Variants in OXCT1 observed in about 807,000 individuals in gnomAD.
The protein encoded by OXCT1 is 3-oxoacid CoA-transferase 1.
Under a neutral mutation model 69.6 loss-of-function variants are expected in OXCT1, and 27 were observed. That is an observed-to-expected ratio of 0.39 (90% CI 0.29 to 0.54). The LOEUF is 0.54. Among genes scored for constraint, OXCT1 ranks in the 20% least tolerant of loss-of-function variants. The pLI is 0.72. For missense variants in OXCT1, 437 were observed against 650.2 expected, an observed-to-expected ratio of 0.67 and a Z score of 3.57; for synonymous variants, 202 against 217.8, an observed-to-expected ratio of 0.93 and a Z score of 0.64.
At chr5:41,783,758 G>C (rs902852307) in intron 13 of OXCT1, among the ~76,000 whole-genome samples, 5 of 152,120 alleles carry the variant, frequency 3.3e-5, no homozygotes, top group African/African-American at 1.2e-4. Context: ...TTTGGAATCA[G>C]GTATCTAGCT....
intron 11 of OXCT1, among the ~76,000 whole-genome samples, chr5:41,797,380 C>A (rs2112241069): frequency 6.6e-6 from 1 of 152,270 alleles, no homozygotes; most frequent in Non-Finnish European, 1.5e-5. Flanking sequence ...TCTTTTGAAG[C>A]AAGGTTAATT....
At chr5:41,811,913 GT>G (rs1249634140) in intron 7 of OXCT1, among the ~76,000 whole-genome samples, 1 of 152,016 alleles carries the variant, frequency 6.6e-6, no homozygotes, top group African/African-American at 2.4e-5. Flanking sequence ...TTTAAAGTGA[GT>G]TTAAAAGGAG....
chr5:41,833,237 A>G (rs1292136846), intron 7 of OXCT1, among the ~76,000 whole-genome samples: 2 of 152,230 alleles, frequency 1.3e-5, no homozygotes, highest in South Asian at 2.1e-4. Flanking sequence ...CAAAAAATCA[A>G]TGATAAAGAA....
chr5:41,843,290 C>T (rs75075279), intron 5 of OXCT1, among the ~76,000 whole-genome samples: 1,706 of 152,218 alleles, frequency 0.011, 30 homozygotes, highest in Middle Eastern at 0.034. Context: ...ACCAACAAGC[C>T]CTATCTTCCC....
At chr5:41,804,343 C>A (rs1409649460) in intron 9 of OXCT1, among the ~76,000 whole-genome samples, 1 of 151,880 alleles carries the variant, frequency 6.6e-6, no homozygotes, top group Non-Finnish European at 1.5e-5. Flanking sequence ...TCTCTCAGTT[C>A]TTTAATATTT....
chr5:41,731,850 A>G (rs1312239049), intron 16 of OXCT1, 80 bp from the exon 17 acceptor site: 3 of 1,507,198 alleles, frequency 2.0e-6, no homozygotes, highest in African/African-American at 1.4e-5. Flanking sequence ...CCAAATTTCA[A>G]TCATGTAGGC....
intron 14 of OXCT1, among the ~76,000 whole-genome samples, chr5:41,761,566 C>G (rs768891874): frequency 3.3e-5 from 5 of 152,092 alleles, no homozygotes; most frequent in Non-Finnish European, 5.9e-5. Flanking sequence ...GTAACAGGCA[C>G]TCAAATATTT....
At chr5:41,755,125 G>T (rs1743995952) in intron 14 of OXCT1, among the ~76,000 whole-genome samples, 1 of 152,036 alleles carries the variant, frequency 6.6e-6, no homozygotes, top group South Asian at 2.1e-4. Context: ...GAAAGCCTCT[G>T]TTAGCATTAG....
At chr5:41,791,493 C>T (rs965106622) in intron 13 of OXCT1, among the ~76,000 whole-genome samples, 5 of 152,154 alleles carry the variant, frequency 3.3e-5, no homozygotes, top group African/African-American at 1.2e-4. Context: ...AAATATGGTA[C>T]GCATTGGAAA....
At chr5:41,789,289 A>G (rs951251614) in intron 13 of OXCT1, among the ~76,000 whole-genome samples, 1 of 152,204 alleles carries the variant, frequency 6.6e-6, no homozygotes, top group Admixed American at 6.5e-5. Context: ...AAAAATTTAC[A>G]AAAATAGGCA....
At chr5:41,842,486 G>A (rs1173108251) in intron 6 of OXCT1, among the ~76,000 whole-genome samples, 189 bp downstream of exon 6, 2 of 152,184 alleles carry the variant, frequency 1.3e-5, no homozygotes, top group African/African-American at 4.8e-5. Context: ...CATAGATATC[G>A]ACCAGTCTAA....
At chr5:41,810,481 A>G (rs374571777) in intron 7 of OXCT1, among the ~76,000 whole-genome samples, 17 of 152,022 alleles carry the variant, frequency 1.1e-4, no homozygotes, top group Admixed American at 9.9e-4. Flanking sequence ...GGCACTATGA[A>G]TAGTTCTCAT....
intron 13 of OXCT1, among the ~76,000 whole-genome samples, chr5:41,766,836 T>C (rs957233944): frequency 6.6e-6 from 1 of 152,140 alleles, no homozygotes; most frequent in Non-Finnish European, 1.5e-5. Flanking sequence ...ATAGAAACAA[T>C]TTTAAAAGCA....
chr5:41,789,676 A>G (rs561816802), intron 13 of OXCT1, among the ~76,000 whole-genome samples: 32 of 152,354 alleles, frequency 2.1e-4, no homozygotes, highest in African/African-American at 7.7e-4. Flanking sequence ...AAAGTTTCAT[A>G]TGACCTCATA....
At chr5:41,767,720 GTGTA>G (rs1422155618) in intron 13 of OXCT1, among the ~76,000 whole-genome samples, 2 of 78,358 alleles carry the variant, frequency 2.6e-5, no homozygotes, top group African/African-American at 1.2e-4. Flanking sequence ...ATATATGTGT[GTGTA>G]TATATATATA....
chr5:41,843,487 G>C (rs1167455141), intron 5 of OXCT1: 3 of 453,510 alleles, frequency 6.6e-6, no homozygotes, highest in Non-Finnish European at 1.3e-5. Context: ...ACTGATCTAG[G>C]GAATGCTATT....
rs1746401649 is a variant in OXCT1 at position 41,801,067 on chromosome 5, G to A, written c.1054C>T (p.Pro352Ser). 6.2e-7 allele frequency: 1 copy of A among 1,608,940 alleles called. No individual in the cohort carries two copies. ...QSENGVLGLGPYPRQHEADAD... is the reference protein window; with the variant it reads ...QSENGVLGLGSYPRQHEADAD... ...TCAGCTTCATGTTGTCGTGGATATGGACCCTGTCAAATACAACATACATTC... is the reference window on the plus strand; with the variant it reads ...TCAGCTTCATGTTGTCGTGGATATGAACCCTGTCAAATACAACATACATTC... The change falls in exon 11 of 17, where the codon CCA (proline) becomes TCA (serine). Residue 352 changes from proline (P) to serine (S), a missense_variant. Around this residue, in one of 4 missense-constraint regions of OXCT1, gnomAD observed 252 missense variants for 397.4 expected, o/e 0.63. Coordinates refer to ENST00000196371, the MANE Select transcript of OXCT1 (RefSeq NM_000436.4).
intron 7 of OXCT1, among the ~76,000 whole-genome samples, chr5:41,828,452 T>C (rs933651641): frequency 1.3e-5 from 2 of 152,096 alleles, no homozygotes; most frequent in African/African-American, 2.4e-5. Context: ...CATGAGAAAC[T>C]GGCCGTCAAG....
chr5:41,784,826 G>A (rs150341691), intron 13 of OXCT1, among the ~76,000 whole-genome samples: 325 of 152,304 alleles, frequency 2.1e-3, no homozygotes, highest in African/African-American at 7.5e-3. Flanking sequence ...GAATTTAGCT[G>A]TGGCTTTTAA....
Sources: allele counts gnomAD v4.1 joint callset (sites outside exome capture counted in the v4.1 genomes callset), GRCh38; gene constraint gnomAD v4.1.1; regional missense constraint gnomAD v4.1.1; transcripts MANE v1.5; gene names NCBI Gene and HGNC (gene_info 2026-07-23, HGNC 2026-07-21).